METTL6: variants seen among roughly 807,000 people sequenced by gnomAD.
METTL6 encodes the protein tRNA N(3)-cytidine methyltransferase METTL6.
A neutral mutation model predicts 26.4 loss-of-function variants in METTL6; 22 were observed. The observed-to-expected ratio is 0.83, with a 90% CI of 0.59 to 1.19. The LOEUF (loss-of-function observed/expected upper bound fraction) is 1.19, where lower values mean the gene tolerates loss of function less well. METTL6 is among the 50% of genes most tolerant of loss of function. METTL6 has a pLI of 0.00. For missense variants in METTL6, 304 were observed against 324.8 expected (o/e 0.94, Z 0.49); for synonymous variants, 109 against 116.2 (o/e 0.94, Z 0.40).
At chr3:15,398,546 C>T (rs1374680692) in intron 6 of METTL6, among the ~76,000 whole-genome samples, 1 of 152,164 alleles carries the variant, frequency 6.6e-6, no homozygotes, top group Non-Finnish European at 1.5e-5. Context: ...ACCTGTCAGG[C>T]AGTTACAATA....
rs375316847 is a variant in METTL6, at chr3:15,413,992, A to C, written c.673+29T>G. 1.6e-4 allele frequency: 257 copies of C among 1,613,644 alleles called. No individual in the cohort carries two copies. In the Middle Eastern group the frequency reaches 1.7e-3, roughly 10 times the overall value. ...AATAAACAGAAACAAAGAATAAAAC[A>C]TTTAAAGACTGGATTCCATTCATCT... On this transcript the variant is annotated intron_variant, in intron 5 of 5. Transcript: ENST00000383790.
chr3:15,414,897 G>T, intron 4 of METTL6: 3 of 1,047,656 alleles, frequency 2.9e-6, no homozygotes, highest in Non-Finnish European at 2.5e-6. Flanking sequence ...ACTCCAGCCT[G>T]AGTGACACAG....
chr3:15,418,005 G>T, intron 3 of METTL6, among the ~76,000 whole-genome samples: 1 of 152,140 alleles, frequency 6.6e-6, no homozygotes, highest in East Asian at 1.9e-4. Context: ...TGCTAGAGGG[G>T]TTTGAAGTCT....
At chr3:15,390,557 C>G (rs968363333) in intron 6 of METTL6, among the ~76,000 whole-genome samples, 1 of 152,172 alleles carries the variant, frequency 6.6e-6, no homozygotes, top group Non-Finnish European at 1.5e-5. Context: ...TCGGCCACCT[C>G]GTGCTCAAAC....
chr3:15,401,045 C>CTT (rs369602192), intron 6 of METTL6, among the ~76,000 whole-genome samples: 2 of 144,824 alleles, frequency 1.4e-5, no homozygotes, highest in African/African-American at 2.5e-5. Context: ...GTATTTTCTT[C>CTT]TTTTTTTTTT....
chr3:15,383,719 A>G (rs1397234615), exon 7 of METTL6: 2 of 152,318 alleles, frequency 1.3e-5, no homozygotes, highest in East Asian at 3.8e-4. Context: ...ATTTTCATTT[A>G]AAATTTTGAA....
intron 3 of METTL6, among the ~76,000 whole-genome samples, chr3:15,423,487 C>T (rs1237693954): frequency 6.6e-6 from 1 of 152,208 alleles, no homozygotes; most frequent in Non-Finnish European, 1.5e-5. Context: ...TAATCCCACA[C>T]TCTGGGAGTC....
intron 2 of METTL6, among the ~76,000 whole-genome samples, chr3:15,425,752 A>T (rs150188033): frequency 0.011 from 1,645 of 152,260 alleles, 13 homozygotes; most frequent in Admixed American, 0.033. Context: ...CAACTATCAG[A>T]TCAGCTTAAA....
intron 6 of METTL6, among the ~76,000 whole-genome samples, chr3:15,390,200 G>A (rs927524360): frequency 6.6e-6 from 1 of 152,026 alleles, no homozygotes; most frequent in African/African-American, 2.4e-5. Context: ...GGCCGAGGTG[G>A]GTGGATCACT....
At chr3:15,412,345 A>C (rs1700003634) in intron 5 of METTL6, among the ~76,000 whole-genome samples, 1 of 152,240 alleles carries the variant, frequency 6.6e-6, no homozygotes, top group South Asian at 2.1e-4. Flanking sequence ...TCGTACTAAG[A>C]GCATTGCTCC....
chr3:15,393,137 T>G (rs1699393856), intron 6 of METTL6, among the ~76,000 whole-genome samples: 1 of 152,242 alleles, frequency 6.6e-6, no homozygotes, highest in South Asian at 2.1e-4. Flanking sequence ...GAACATGGAA[T>G]GTTCTTCCAT....
At chr3:15,422,964 G>C (rs2061639924) in intron 3 of METTL6, among the ~76,000 whole-genome samples, 1 of 152,170 alleles carries the variant, frequency 6.6e-6, no homozygotes, top group Non-Finnish European at 1.5e-5. Flanking sequence ...ATAGAACATA[G>C]AGGAATAAAT....
At position 15,413,296 on chromosome 3, in the gene METTL6, C is replaced by G. The variant is rs139341201; in HGVS notation, c.673+725G>C. On this transcript the variant is annotated intron_variant, in intron 5 of 5. Transcript: ENST00000383790. ...TATTTATTTAAAAACAGATCCAGGA[C>G]AGGCATGGTGACTAACACCTGTAAT... Among the ~76,000 whole-genome samples, 299 of 152,040 alleles carry G rather than the reference C, an allele frequency of 2.0e-3. 1 individual carries two copies. Among genetic ancestry groups the G allele is most frequent in the African/African-American group, 6.6e-3 (274 of 41,492 alleles).
intron 6 of METTL6, among the ~76,000 whole-genome samples, chr3:15,402,382 T>C (rs1471636601): frequency 2.4e-4 from 36 of 152,094 alleles, no homozygotes; most frequent in Non-Finnish European, 7.4e-5. Context: ...TGGGCTGAAG[T>C]GATTCCTGGG....
At chr3:15,415,613 T>G (rs1700169834) in intron 4 of METTL6, 159 bp downstream of exon 4, 1 of 1,609,700 alleles carries the variant, frequency 6.2e-7, no homozygotes, top group African/African-American at 1.3e-5. Flanking sequence ...GGGTGGATGT[T>G]TTATGCCAGA....
intron 4 of METTL6, chr3:15,415,042 A>AC (rs1403342684): frequency 4.0e-5 from 39 of 972,206 alleles, no homozygotes; most frequent in East Asian, 3.7e-4. Context: ...TGTCTCTTAA[A>AC]AAAACAAACA....
chr3:15,400,430 G>A (rs997374901), intron 6 of METTL6, among the ~76,000 whole-genome samples: 2 of 152,146 alleles, frequency 1.3e-5, no homozygotes, highest in African/African-American at 4.8e-5. Flanking sequence ...TCTGTCTACT[G>A]TCAAGTTTAT....
chr3:15,419,848 G>C (rs2125016715), intron 3 of METTL6, among the ~76,000 whole-genome samples: 1 of 150,952 alleles, frequency 6.6e-6, no homozygotes, highest in African/African-American at 2.5e-5. Context: ...ATATAAATAG[G>C]GTAACTGTTT....
At chr3:15,424,833 TG>T in intron 3 of METTL6, 121 bp downstream of exon 3, 2 of 1,252,146 alleles carry the variant, frequency 1.6e-6, no homozygotes, top group Non-Finnish European at 2.3e-6. Flanking sequence ...ACTACATGTA[TG>T]GTGACTATAG....
Sources: gnomAD v4.1 joint callset for allele counts (sites outside exome capture counted in the v4.1 genomes callset) on GRCh38, gnomAD v4.1.1 for gene constraint, MANE v1.5 for transcripts, NCBI Gene and HGNC (gene_info 2026-07-23, HGNC 2026-07-21) for gene names.